VPS53: variants seen among roughly 807,000 people sequenced by gnomAD.
VPS53 encodes the protein VPS53 subunit of GARP complex.
VPS53 carries 70 observed loss-of-function variants against 107.0 expected under a neutral mutation model. The ratio of observed to expected loss-of-function variants is 0.65; its 90% CI spans 0.54 to 0.80. The LOEUF is 0.80. VPS53 is among the 30% of genes least tolerant of loss of function. The pLI, the probability that VPS53 is intolerant of heterozygous loss-of-function variation, is 0.00. For missense variants in VPS53, 917 were observed against 1,049.4 expected, an observed-to-expected ratio of 0.87 and a Z score of 1.74; for synonymous variants, 409 against 393.3, an observed-to-expected ratio of 1.04 and a Z score of -0.47.
intron 17 of VPS53, among the ~76,000 whole-genome samples, chr17:546,329 T>TCA (rs71371545): frequency 0.2 from 25,853 of 131,506 alleles, 2,439 homozygotes; most frequent in South Asian, 0.22. Context: ...CTTAGATATC[T>TCA]CACACACACA....
rs542165274 is a variant in VPS53, at chr17:650,232, C to G, written c.608+3059G>C. ...AACTGGGGCTAGGTACAGTGGCTCACGCTTGTAATCCCAGCACTTTGGGAG... is the reference window on the plus strand; with the variant it reads ...AACTGGGGCTAGGTACAGTGGCTCAGGCTTGTAATCCCAGCACTTTGGGAG... On this transcript the variant is annotated intron_variant, in intron 7 of 21. Transcript: ENST00000437048. Among the ~76,000 whole-genome samples, 3 of 152,322 alleles carry G rather than the reference C, an allele frequency of 2.0e-5. No homozygotes were observed. The South Asian group carries it at 6.2e-4, about 32-fold the overall frequency.
chr17:520,121 A>C lies in VPS53; in HGVS notation c.2224-191T>G, dbSNP rs915471051. Among the ~76,000 whole-genome samples the C allele has an allele frequency of 2.0e-5, 3 of 152,170 alleles. No individual in the cohort carries two copies. The highest frequency in any genetic ancestry group is 1.3e-4 in the Admixed American group (2 of 15,284). ...TGAGAGGTTTCCTTAAGCAGCAGCAACCCAGACTAGAAACGCCCCAGTGGC... is the reference window on the plus strand; with the variant it reads ...TGAGAGGTTTCCTTAAGCAGCAGCACCCCAGACTAGAAACGCCCCAGTGGC... On this transcript the variant is annotated intron_variant, in intron 20 of 21. Coordinates refer to ENST00000437048, the MANE Select transcript of VPS53 (RefSeq NM_001128159.3). This position sits in a 1 kb window ranked among gnomAD's most constrained non-coding sequence, Gnocchi z 4.4.
chr17:580,081 C>A (rs1966912977), intron 13 of VPS53, among the ~76,000 whole-genome samples: 1 of 151,062 alleles, frequency 6.6e-6, no homozygotes, highest in Non-Finnish European at 1.5e-5. Context: ...TAATGCGGTC[C>A]CAGAGAACAT....
At chr17:526,230 A>G (rs1022978443) in intron 19 of VPS53, among the ~76,000 whole-genome samples, 1 of 152,150 alleles carries the variant, frequency 6.6e-6, no homozygotes, top group African/African-American at 2.4e-5. Flanking sequence ...GGTAGGAAAA[A>G]AAAAATCAGT....
At chr17:635,196 T>G (rs574213366) in intron 7 of VPS53, among the ~76,000 whole-genome samples, 11 of 152,366 alleles carry the variant, frequency 7.2e-5, no homozygotes, top group South Asian at 2.1e-4. Flanking sequence ...AATGTCTTCT[T>G]TTGAGAAGCA....
intron 12 of VPS53, 126 bp downstream of exon 12, chr17:601,669 A>T: frequency 1.5e-6 from 1 of 675,498 alleles, no homozygotes; most frequent in Non-Finnish European, 2.5e-6. Context: ...GGCCTTCTGT[A>T]AAGACCACAA....
rs1213566593 is a variant in VPS53 at position 519,193 on chromosome 17, G to T, written c.2434C>A (p.Pro812Thr). ...ESSGSLSLTA[P>T]TPEQESSRIR... ...CGTGACGACTCTTGCTCTGGTGTTGGCGCCGTCAGGGACAGTGAGCCGGAG... is the reference window on the plus strand; with the variant it reads ...CGTGACGACTCTTGCTCTGGTGTTGTCGCCGTCAGGGACAGTGAGCCGGAG... The change falls in exon 22 of 22, where the codon CCA becomes ACA. Residue 812 changes from proline (P) to threonine (T), a missense_variant. Pro to Thr is a conservative substitution (Grantham distance 38). Coordinates refer to ENST00000437048, the MANE Select transcript of VPS53 (RefSeq NM_001128159.3). This position sits in a 1 kb window ranked among gnomAD's most constrained non-coding sequence, Gnocchi z 5.0. 1.3e-6 allele frequency: 2 copies of T among 1,549,022 alleles called. No homozygotes were observed. The highest frequency in any genetic ancestry group is 8.7e-7 in the Non-Finnish European group (1 of 1,146,228).
chr17:661,328 T>C (rs1461582733), intron 5 of VPS53, among the ~76,000 whole-genome samples: 2 of 151,844 alleles, frequency 1.3e-5, no homozygotes, highest in Non-Finnish European at 2.9e-5. Flanking sequence ...GAGACCATCC[T>C]GGCCAACATG....
At chr17:580,724 C>T (rs367765543) in intron 13 of VPS53, among the ~76,000 whole-genome samples, 6 of 151,070 alleles carry the variant, frequency 4.0e-5, no homozygotes, top group African/African-American at 1.5e-4. Flanking sequence ...CTAATGCGTT[C>T]GCAGAGAAAT....
rs186379706 is a variant in VPS53, at chr17:632,452, A to C, written c.609-824T>G. 2.0e-3 allele frequency among the ~76,000 whole-genome samples: 310 copies of C among 152,248 alleles called. 1 individual carries two copies. The highest frequency in any genetic ancestry group is 3.3e-3 in the Non-Finnish European group (225 of 68,008). ...TCTTGATACAGGCATACGATGTATA[A>C]TGATCAAATCAGGGTAACTGGGTTA... On this transcript the variant is annotated intron_variant, in intron 7 of 21. Coordinates refer to ENST00000437048, the MANE Select transcript of VPS53 (RefSeq NM_001128159.3).
At position 536,877 on chromosome 17, in the gene VPS53, T is replaced by C. The variant is rs933102032; in HGVS notation, c.2015+151A>G. The C allele has an allele frequency of 1.8e-5, 17 of 934,752 alleles. No homozygotes were observed. The East Asian group carries it at 3.0e-4, about 16-fold the overall frequency. The allele number at this position is 934,752 out of a possible 1,614,324, so 57.9% of individuals were successfully genotyped here. ...CACTTTGTGTGTGGGGAGGTGTCGG[T>C]AATGGGAAGACTGTGCATGTTGGGG... On this transcript the variant is annotated intron_variant, in intron 18 of 21. Transcript: ENST00000437048.
chr17:648,201 C>A (rs536196027), intron 7 of VPS53, among the ~76,000 whole-genome samples: 9 of 152,188 alleles, frequency 5.9e-5, no homozygotes, highest in African/African-American at 2.2e-4. Flanking sequence ...TTCTCGCCCA[C>A]GAGCAGGTAG....
At chr17:701,998 G>A (rs1272059503) in intron 2 of VPS53, among the ~76,000 whole-genome samples, 3 of 152,156 alleles carry the variant, frequency 2.0e-5, no homozygotes, top group African/African-American at 7.2e-5. Flanking sequence ...CAAAGCACTG[G>A]GATTACAGGC....
At position 551,942 on chromosome 17, in the gene VPS53, G is replaced by A; in HGVS notation, c.1796C>T (p.Ser599Phe). ...CTGAACCAGCAGCTGAATACTGCTG[G>A]AGATGACGCTGCAAATCAAACAAAT... is the stretch of plus-strand genomic sequence containing the variant. ...GEMDTFSTVI[S>F]SSIQLLVQDL... Residue 599 changes from serine to phenylalanine, a missense_variant, in exon 17 of 22, where the codon TCC becomes TTC. Coordinates refer to ENST00000437048, the MANE Select transcript of VPS53 (RefSeq NM_001128159.3). The A allele has an allele frequency of 1.3e-6, 2 of 1,596,076 alleles. No homozygotes were observed. The highest frequency in any genetic ancestry group is 1.7e-6 in the Non-Finnish European group (2 of 1,170,548).
chr17:657,521 C>G (rs1424755858), intron 5 of VPS53: 3 of 1,479,286 alleles, frequency 2.0e-6, no homozygotes, highest in Non-Finnish European at 2.8e-6. Context: ...CTACCCGCTT[C>G]AGATGCTTCT....
rs1973780885 is a variant in VPS53 at position 714,643 on chromosome 17, C to T, written c.67G>A (p.Val23Met). 1 of 1,612,882 alleles carries T rather than the reference C, an allele frequency of 6.2e-7. No individual in the cohort carries two copies. The highest frequency in any genetic ancestry group is 8.5e-7 in the Non-Finnish European group (1 of 1,179,444). Reference protein sequence around the residue: ...LEAVLQLTPEVQLAIEQVFPS... With the variant: ...LEAVLQLTPEMQLAIEQVFPS... Reference sequence around the variant, plus strand: ...CTTACCTGCTCGATGGCCAGCTGCACCTCGGGCGTGAGCTGCAGCACGGCT... The same window carrying T: ...CTTACCTGCTCGATGGCCAGCTGCATCTCGGGCGTGAGCTGCAGCACGGCT... The change falls in exon 1 of 22, where the codon GTG becomes ATG. Residue 23 changes from valine (V) to methionine (M), a missense_variant. Physicochemically the swap from Val to Met is conservative, Grantham distance 21. Transcript: ENST00000437048.
At chr17:608,465 G>A (rs189985217) in intron 11 of VPS53, among the ~76,000 whole-genome samples, 34 of 152,182 alleles carry the variant, frequency 2.2e-4, no homozygotes, top group African/African-American at 7.2e-4. Context: ...TTGCAGAAGC[G>A]TCAAAAATAT....
intron 18 of VPS53, among the ~76,000 whole-genome samples, chr17:533,748 G>A (rs1009351703): frequency 2.0e-5 from 3 of 152,182 alleles, no homozygotes; most frequent in South Asian, 2.1e-4. Flanking sequence ...TAAGGCAAAC[G>A]AAGATGGGGG....
chr17:623,083 A>G (rs184003507), intron 11 of VPS53, among the ~76,000 whole-genome samples: 1 of 152,132 alleles, frequency 6.6e-6, no homozygotes, highest in African/African-American at 2.4e-5. Context: ...CACCTTTCCA[A>G]TGGAGGCACG....
Sources: gnomAD v4.1 joint callset for allele counts (sites outside exome capture counted in the v4.1 genomes callset) on GRCh38, gnomAD v4.1.1 for gene constraint, Gnocchi (gnomAD v3.1) non-coding constraint, MANE v1.5 for transcripts, NCBI Gene and HGNC (gene_info 2026-07-23, HGNC 2026-07-21) for gene names.